OLFM3: variants seen among roughly 807,000 people sequenced by gnomAD.
The protein encoded by OLFM3 is olfactomedin 3, also known as noelin-3.
OLFM3 carries 20 observed loss-of-function variants against 48.6 expected under a neutral mutation model. That is an observed-to-expected ratio of 0.41 (90% CI 0.29 to 0.60). OLFM3 has a LOEUF of 0.60. Among genes scored for constraint, OLFM3 ranks in the 20% least tolerant of loss-of-function variants. The probability of loss-of-function intolerance (pLI) is 0.28; values close to 1 mark genes in which losing one functional copy is unlikely to be tolerated. For synonymous variants in OLFM3, 222 were observed against 198.1 expected (o/e 1.12, Z -1.01); for missense variants, 437 against 544.3 (o/e 0.80, Z 1.96).
In OLFM3 at chr1:101,992,314, G is replaced by A. The variant is rs79200067; in HGVS notation, c.69+4434C>T. Among the ~76,000 whole-genome samples the A allele has an allele frequency of 6.2e-4, 95 of 152,298 alleles. 2 individuals are homozygous for A. The East Asian group carries it at 0.018, about 29-fold the overall frequency. On this transcript the variant is annotated intron_variant, in intron 1 of 5. Coordinates refer to ENST00000370103, the MANE Select transcript of OLFM3 (RefSeq NM_058170.4). ...TTCTAGTTGCCAAGAGAAAGAGTGAGAAAGAATATTTACTTCTTCCACAAT... is the reference window on the plus strand; with the variant it reads ...TTCTAGTTGCCAAGAGAAAGAGTGAAAAAGAATATTTACTTCTTCCACAAT...
intron 1 of OLFM3, among the ~76,000 whole-genome samples, chr1:101,976,562 A>G (rs1660957694): frequency 1.3e-5 from 2 of 152,208 alleles, no homozygotes; most frequent in South Asian, 4.1e-4. Flanking sequence ...TTAGATACCG[A>G]CAGAAACTAT....
At chr1:101,836,302 G>A (rs1245340987) in intron 2 of OLFM3, among the ~76,000 whole-genome samples, 1 of 152,140 alleles carries the variant, frequency 6.6e-6, no homozygotes, top group East Asian at 1.9e-4. Flanking sequence ...ACATTTATGT[G>A]TAAAAGAGAA....
intron 1 of OLFM3, among the ~76,000 whole-genome samples, chr1:101,858,262 A>C (rs903935145): frequency 2.6e-5 from 4 of 152,056 alleles, no homozygotes; most frequent in African/African-American, 9.7e-5. Flanking sequence ...CCAAAAATAT[A>C]TGTAGAATTA....
chr1:101,860,584 A>G (rs1457356469), intron 1 of OLFM3, among the ~76,000 whole-genome samples: 1 of 152,078 alleles, frequency 6.6e-6, no homozygotes, highest in South Asian at 2.1e-4. Context: ...TCGTTAAAGA[A>G]TGTATACCTT....
chr1:101,837,239 T>C (rs1655469398), intron 1 of OLFM3, among the ~76,000 whole-genome samples: 2 of 152,230 alleles, frequency 1.3e-5, no homozygotes, highest in South Asian at 4.1e-4. Flanking sequence ...AGATCCTTTC[T>C]TGTCTTCAGG....
At chr1:101,902,668 T>G (rs935053083) in intron 1 of OLFM3, among the ~76,000 whole-genome samples, 2 of 152,100 alleles carry the variant, frequency 1.3e-5, no homozygotes, top group African/African-American at 4.8e-5. Flanking sequence ...CACCACTTGG[T>G]TGGTTCTAAC....
intron 1 of OLFM3, among the ~76,000 whole-genome samples, chr1:101,994,282 A>T (rs1365366601): frequency 6.6e-6 from 1 of 151,028 alleles, no homozygotes; most frequent in African/African-American, 2.4e-5. Context: ...GATGACCCAT[A>T]TCACTCCAAA....
chr1:101,982,969 T>C (rs1661142689), intron 1 of OLFM3, among the ~76,000 whole-genome samples: 1 of 152,134 alleles, frequency 6.6e-6, no homozygotes, highest in Non-Finnish European at 1.5e-5. Context: ...GAACCTCGAA[T>C]AGTACAACTA....
intron 1 of OLFM3, chr1:101,894,084 T>C (rs1341805503): frequency 6.5e-6 from 1 of 154,244 alleles, no homozygotes. Flanking sequence ...TGGCATTTTA[T>C]GGGCAGTAGT....
intron 1 of OLFM3, among the ~76,000 whole-genome samples, chr1:101,926,546 A>G (rs1190921752): frequency 6.6e-6 from 1 of 152,212 alleles, no homozygotes; most frequent in Admixed American, 6.5e-5. Context: ...TGGACAAGTT[A>G]TCAGAGCCTG....
In OLFM3 at chr1:101,894,935, T is replaced by G. The variant is rs1658142706; in HGVS notation, c.70-57910A>C. 2.0e-5 allele frequency among the ~76,000 whole-genome samples: 3 copies of G among 152,102 alleles called. No homozygotes were observed. The South Asian group carries it at 6.2e-4, about 32-fold the overall frequency. On this transcript the variant is annotated intron_variant, in intron 1 of 5. Coordinates refer to ENST00000370103, the MANE Select transcript of OLFM3 (RefSeq NM_058170.4). ...TGTGGCATGGAAACACCTGAGAGAT[T>G]TCTTTGGTTCACAACACTCAGGATA...
chr1:101,824,364 A>G (rs971528418), intron 4 of OLFM3, among the ~76,000 whole-genome samples: 1 of 152,166 alleles, frequency 6.6e-6, no homozygotes, highest in Non-Finnish European at 1.5e-5. Flanking sequence ...GCTCATGGAT[A>G]TCACGAAAGA....
intron 1 of OLFM3, among the ~76,000 whole-genome samples, chr1:101,964,341 T>C (rs892259241): frequency 2.0e-5 from 3 of 152,310 alleles, no homozygotes; most frequent in African/African-American, 7.2e-5. Flanking sequence ...ATACGGGTTT[T>C]ATATACCACA....
At chr1:101,899,240 G>C (rs1248882647) in intron 1 of OLFM3, among the ~76,000 whole-genome samples, 1 of 152,022 alleles carries the variant, frequency 6.6e-6, no homozygotes, top group African/African-American at 2.4e-5. Flanking sequence ...ACTGATTGTT[G>C]GACTGAGGTG....
chr1:101,893,226 G>T, intron 1 of OLFM3: 1 of 293,868 alleles, frequency 3.4e-6, no homozygotes, highest in South Asian at 3.9e-5. Context: ...TGTGCTTTGT[G>T]ACAGGTGTGA....
At chr1:101,905,435 T>C (rs1365765307) in intron 1 of OLFM3, among the ~76,000 whole-genome samples, 1 of 152,172 alleles carries the variant, frequency 6.6e-6, no homozygotes, top group Non-Finnish European at 1.5e-5. Context: ...CCAGACTGGG[T>C]GTGAGAAACT....
At chr1:101,807,559 T>C (rs999458583) in intron 4 of OLFM3, among the ~76,000 whole-genome samples, 22 of 151,946 alleles carry the variant, frequency 1.4e-4, no homozygotes, top group African/African-American at 5.3e-4. Context: ...TCTCTATATG[T>C]GCTTCTTATA....
At chr1:101,917,960 A>C (rs1288097657) in intron 1 of OLFM3, among the ~76,000 whole-genome samples, 1 of 152,134 alleles carries the variant, frequency 6.6e-6, no homozygotes, top group African/African-American at 2.4e-5. Context: ...TATGTTGATA[A>C]ATGTATTTAT....
At chr1:101,882,641 G>A (rs1183166318) in intron 1 of OLFM3, 2 of 151,760 alleles carry the variant, frequency 1.3e-5, no homozygotes, top group African/African-American at 4.8e-5. Context: ...AGTGAGAGAT[G>A]GTTGCTATAA....
Sources: allele counts gnomAD v4.1 joint callset (sites outside exome capture counted in the v4.1 genomes callset), GRCh38; gene constraint gnomAD v4.1.1; transcripts MANE v1.5; gene names NCBI Gene and HGNC (gene_info 2026-07-23, HGNC 2026-07-21).